PIK3C2G: variants seen among roughly 807,000 people sequenced by gnomAD.
The protein encoded by PIK3C2G is phosphatidylinositol 3-kinase C2 domain-containing subunit gamma.
In PIK3C2G, 168 loss-of-function variants were observed where a neutral mutation model predicts 181.1. The observed-to-expected ratio is 0.93, with a 90% confidence interval of 0.82 to 1.05. PIK3C2G has a LOEUF of 1.05. PIK3C2G is among the 50% of genes least tolerant of loss of function. PIK3C2G has a pLI of 0.00. For missense variants in PIK3C2G, 1,869 were observed against 1,732.8 expected (o/e 1.08, Z -1.40); for synonymous variants, 573 against 592.2 (o/e 0.97, Z 0.47).
chr12:18,580,430 T>A (rs1946438949), intron 29 of PIK3C2G, among the ~76,000 whole-genome samples: 1 of 152,176 alleles, frequency 6.6e-6, no homozygotes, highest in Non-Finnish European at 1.5e-5. Context: ...ATAAATCCTA[T>A]CTTAATCGTG....
At position 18,551,713 on chromosome 12, in the gene PIK3C2G, CTTAGA is replaced by C. The variant is rs1417767206; in HGVS notation, c.3590+5285_3590+5289del. 6.6e-5 allele frequency among the ~76,000 whole-genome samples: 10 copies of C among 152,198 alleles called. No homozygotes were observed. In the East Asian group the frequency reaches 1.6e-3, roughly 24 times the overall value. On this transcript the variant is annotated intron_variant, in intron 26 of 32. Coordinates refer to ENST00000538779, the MANE Select transcript of PIK3C2G (RefSeq NM_001288772.2). Reference sequence around the variant, plus strand: ...CAGCAAAAGAACCCCGTCTGGTAGCCTTAGATTAAAGGCTCTACATGGAGTCAAAC... The same window carrying C: ...CAGCAAAAGAACCCCGTCTGGTAGCCTTAAAGGCTCTACATGGAGTCAAAC...
intron 16 of PIK3C2G, among the ~76,000 whole-genome samples, chr12:18,412,088 T>C (rs531248843): frequency 1.3e-5 from 2 of 152,304 alleles, no homozygotes; most frequent in Admixed American, 1.3e-4. Context: ...TGGATATTCC[T>C]ACAGTGCTCT....
chr12:18,696,970 T>G, the PIK3C2G span, among the ~76,000 whole-genome samples: 1 of 152,144 alleles, frequency 6.6e-6, no homozygotes, highest in Non-Finnish European at 1.5e-5. Context: ...TCTATTTTAG[T>G]TTCTGTACAT....
the PIK3C2G span, among the ~76,000 whole-genome samples, chr12:18,707,256 C>T: frequency 3.3e-5 from 5 of 152,226 alleles, no homozygotes; most frequent in African/African-American, 1.2e-4. Context: ...CTTATTTGAC[C>T]TACACAATGA....
intron 18 of PIK3C2G, among the ~76,000 whole-genome samples, chr12:18,428,258 T>G (rs991302591): frequency 1.3e-5 from 2 of 151,846 alleles, no homozygotes; most frequent in Non-Finnish European, 2.9e-5. Flanking sequence ...TGTTAAAACT[T>G]TAAAGATGCA....
At chr12:18,650,347 ATGTG>A (rs71064013), downstream of PIK3C2G, among the ~76,000 whole-genome samples, 4,956 of 114,314 alleles carry the variant, frequency 0.043, 161 homozygotes, top group African/African-American at 0.077. Flanking sequence ...ATATATATAT[ATGTG>A]TGTGTGTGTG....
intron 5 of PIK3C2G, among the ~76,000 whole-genome samples, chr12:18,302,390 G>A (rs1380930521): frequency 6.6e-6 from 1 of 152,146 alleles, no homozygotes; most frequent in Non-Finnish European, 1.5e-5. Context: ...CCAGTGGCTT[G>A]TGTGAATGGG....
At chr12:18,643,250 C>T (rs961461883) in intron 32 of PIK3C2G, among the ~76,000 whole-genome samples, 1 of 152,054 alleles carries the variant, frequency 6.6e-6, no homozygotes, top group Non-Finnish European at 1.5e-5. Context: ...ATCCATAACC[C>T]ACTGATTAAA....
rs190923017 is a variant in PIK3C2G, at chr12:18,429,983, G to T, written c.2504+5944G>T. ...CATTCCAGAGCCTCCCCATAAATCAGATCAAGGTTAGACTTGACCCGAGAT... is the reference window on the plus strand; with the variant it reads ...CATTCCAGAGCCTCCCCATAAATCATATCAAGGTTAGACTTGACCCGAGAT... On this transcript the variant is annotated intron_variant, in intron 18 of 32. Coordinates refer to ENST00000538779, the MANE Select transcript of PIK3C2G (RefSeq NM_001288772.2). 2.0e-4 allele frequency among the ~76,000 whole-genome samples: 30 copies of T among 152,040 alleles called. No homozygotes were observed. The East Asian group carries it at 5.8e-3, about 30-fold the overall frequency.
At chr12:18,243,500 A>AG, upstream of PIK3C2G, among the ~76,000 whole-genome samples, 1 of 152,122 alleles carries the variant, frequency 6.6e-6, no homozygotes, top group African/African-American at 2.4e-5. Flanking sequence ...AAAGAAAACA[A>AG]GGGGGTAAAT....
At chr12:18,651,360 C>T (rs1024909219), downstream of PIK3C2G, among the ~76,000 whole-genome samples, 1 of 152,148 alleles carries the variant, frequency 6.6e-6, no homozygotes, top group East Asian at 1.9e-4. Flanking sequence ...TCCCTGGAAA[C>T]ACACCAGATC....
At chr12:18,544,415 A>T (rs1944316789) in intron 25 of PIK3C2G, among the ~76,000 whole-genome samples, 1 of 151,880 alleles carries the variant, frequency 6.6e-6, no homozygotes, top group Admixed American at 6.6e-5. Flanking sequence ...AACAGAGTTT[A>T]TGTAATTAAA....
At chr12:18,286,144 T>C (rs1949434534) in intron 2 of PIK3C2G, among the ~76,000 whole-genome samples, 1 of 152,074 alleles carries the variant, frequency 6.6e-6, no homozygotes, top group African/African-American at 2.4e-5. Flanking sequence ...AATGTGTATG[T>C]ACCTAATAAC....
chr12:18,640,250 T>C (rs1212580102), intron 31 of PIK3C2G, among the ~76,000 whole-genome samples, 179 bp from the exon 32 acceptor site: 1 of 152,122 alleles, frequency 6.6e-6, no homozygotes, highest in Admixed American at 6.6e-5. Flanking sequence ...TCTTTTAAAC[T>C]GTAGTTTGGA....
intron 11 of PIK3C2G, among the ~76,000 whole-genome samples, chr12:18,356,874 TG>T (rs1940787142): frequency 8.8e-6 from 1 of 113,004 alleles, no homozygotes. Flanking sequence ...GGTTATAGGA[TG>T]GGGCGGGGGG....
chr12:18,443,962 T>C (rs547627225), intron 18 of PIK3C2G, among the ~76,000 whole-genome samples: 1 of 151,696 alleles, frequency 6.6e-6, no homozygotes, highest in South Asian at 2.1e-4. Context: ...TATATAACTA[T>C]GCAAATACTC....
chr12:18,448,332 T>C (rs1947147233), intron 18 of PIK3C2G, among the ~76,000 whole-genome samples: 2 of 152,202 alleles, frequency 1.3e-5, no homozygotes, highest in African/African-American at 4.8e-5. Context: ...TTGATGTACA[T>C]AGTGAAATGG....
intron 11 of PIK3C2G, among the ~76,000 whole-genome samples, chr12:18,354,221 T>C (rs1429755176): frequency 6.6e-6 from 1 of 152,234 alleles, no homozygotes; most frequent in Non-Finnish European, 1.5e-5. Flanking sequence ...AGATCTCCCT[T>C]AATTTGCCTC....
At chr12:18,502,354 T>C (rs919743734) in intron 22 of PIK3C2G, among the ~76,000 whole-genome samples, 2 of 152,244 alleles carry the variant, frequency 1.3e-5, no homozygotes, top group Admixed American at 6.5e-5. Context: ...TTTAAAAAAC[T>C]CAACCATCTC....
Sources: gnomAD v4.1 joint callset for allele counts (sites outside exome capture counted in the v4.1 genomes callset) on GRCh38, gnomAD v4.1.1 for gene constraint, MANE v1.5 for transcripts, NCBI Gene and HGNC (gene_info 2026-07-23, HGNC 2026-07-21) for gene names.